Variants in ZFHX3 observed in about 807,000 individuals in gnomAD.
ZFHX3 encodes zinc finger homeobox protein 3.
ZFHX3 carries 42 observed loss-of-function variants against 279.1 expected under a neutral mutation model. The ratio of observed to expected loss-of-function variants is 0.15; its 90% CI spans 0.12 to 0.19. The LOEUF (loss-of-function observed/expected upper bound fraction) is 0.19, where lower values mean the gene tolerates loss of function less well. Among genes scored for constraint, ZFHX3 ranks in the 10% least tolerant of loss-of-function variants. The pLI, the probability that ZFHX3 is intolerant of heterozygous loss-of-function variation, is 1.00. For synonymous variants in ZFHX3, 2,293 were observed against 1,957.8 expected (o/e 1.17, Z -4.52); for missense variants, 4,981 against 4,754.0 (o/e 1.05, Z -1.40).
intron 2 of ZFHX3, among the ~76,000 whole-genome samples, chr16:73,660,865 C>G (rs1237426428): frequency 6.6e-6 from 1 of 152,154 alleles, no homozygotes. Context: ...TTCATGCAAA[C>G]CTTCCCACTT....
At chr16:73,820,389 C>T (rs999998514) in intron 1 of ZFHX3, among the ~76,000 whole-genome samples, 2 of 152,178 alleles carry the variant, frequency 1.3e-5, no homozygotes, top group African/African-American at 4.8e-5. Flanking sequence ...TAACTCTTAA[C>T]TGGCTGGTGG....
chr16:73,006,068 A>T (rs1205790539), intron 1 of ZFHX3: 1 of 152,240 alleles, frequency 6.6e-6, no homozygotes, highest in African/African-American at 2.4e-5. Flanking sequence ...ACATCTGGAA[A>T]TAATTTTCTT....
intron 5 of ZFHX3, among the ~76,000 whole-genome samples, chr16:73,247,833 A>C (rs2013345202): frequency 6.6e-6 from 1 of 152,128 alleles, no homozygotes; most frequent in Non-Finnish European, 1.5e-5. Context: ...TATACTATGT[A>C]TATAATGTGT....
chr16:73,771,758 ATT>A (rs55993701), intron 1 of ZFHX3, among the ~76,000 whole-genome samples: 1,577 of 143,998 alleles, frequency 0.011, 23 homozygotes, highest in African/African-American at 0.036. Flanking sequence ...GCCTTAAAGA[ATT>A]TTTTTTTTTT....
At chr16:73,727,311 T>G (rs1430887461) in intron 1 of ZFHX3, among the ~76,000 whole-genome samples, 1 of 152,188 alleles carries the variant, frequency 6.6e-6, no homozygotes. Context: ...TCAGCTACCA[T>G]TGAGAAGAAA....
intron 1 of ZFHX3, among the ~76,000 whole-genome samples, chr16:73,046,853 T>C (rs1450958778): frequency 2.1e-5 from 3 of 141,460 alleles, no homozygotes; most frequent in Non-Finnish European, 3.0e-5. Flanking sequence ...GGGTTTTCTG[T>C]CAGTGGCTTT....
At chr16:72,997,479 C>G (rs908954112) in intron 1 of ZFHX3, among the ~76,000 whole-genome samples, 1 of 152,304 alleles carries the variant, frequency 6.6e-6, no homozygotes, top group East Asian at 1.9e-4. Flanking sequence ...AAGGAGGCAG[C>G]GACTCAGTCT....
At chr16:73,502,192 C>T (rs1317905645) in intron 2 of ZFHX3, among the ~76,000 whole-genome samples, 2 of 152,196 alleles carry the variant, frequency 1.3e-5, no homozygotes, top group African/African-American at 4.8e-5. Flanking sequence ...GGCTAAGGAA[C>T]ACAGCTTTGG....
At chr16:73,695,580 A>G (rs1206723745) in intron 1 of ZFHX3, among the ~76,000 whole-genome samples, 1 of 152,206 alleles carries the variant, frequency 6.6e-6, no homozygotes, top group African/African-American at 2.4e-5. Flanking sequence ...AGAAAAGGAA[A>G]AGAACAGGGA....
At position 72,797,249 on chromosome 16, in the gene ZFHX3, G is replaced by C. The variant is rs147266839; in HGVS notation, c.5433C>G (p.Pro1811=). The change falls in exon 9 of 10, where the codon CCC becomes CCG. Residue 1811 remains proline (P), a synonymous_variant. Coordinates refer to ENST00000268489, the MANE Select transcript of ZFHX3 (RefSeq NM_006885.4). ...CACTGGTCACTGGCAAGCTCACCTC[G>C]GGGTTAAGCTGGAACTCAGCACTGG... is the stretch of plus-strand genomic sequence containing the variant. ...YIPSAEFQLN[P]EVSLPVTSGA... is the part of the protein sequence containing the mutation. The C allele has an allele frequency of 6.2e-7, 1 of 1,613,628 alleles. No homozygotes were observed. Among genetic ancestry groups the C allele is most frequent in the East Asian group, 2.2e-5 (1 of 44,854 alleles).
intron 3 of ZFHX3, among the ~76,000 whole-genome samples, chr16:73,371,883 C>T (rs1367245066): frequency 6.6e-6 from 1 of 152,236 alleles, no homozygotes; most frequent in African/African-American, 2.4e-5. Flanking sequence ...GGCCCAGCCC[C>T]TCTGGGCAAG....
chr16:73,465,375 T>G (rs2018548150), intron 2 of ZFHX3, among the ~76,000 whole-genome samples: 1 of 152,196 alleles, frequency 6.6e-6, no homozygotes, highest in African/African-American at 2.4e-5. Flanking sequence ...GAATCTCTTC[T>G]GTATCACTTC....
chr16:73,224,883 A>G (rs556752684), intron 5 of ZFHX3, among the ~76,000 whole-genome samples: 49 of 152,236 alleles, frequency 3.2e-4, no homozygotes, highest in African/African-American at 1.1e-3. Context: ...GCTGAATTGC[A>G]GAATGCTCTG....
intron 1 of ZFHX3, among the ~76,000 whole-genome samples, chr16:73,725,295 T>G (rs970863820): frequency 1.3e-5 from 2 of 152,182 alleles, no homozygotes; most frequent in African/African-American, 4.8e-5. Flanking sequence ...GCACCATGCT[T>G]TGCCAAGTCC....
At position 73,346,107 on chromosome 16, in the gene ZFHX3, C is replaced by T. The variant is rs144996017; in HGVS notation, c.-1290-27771G>A. Among the ~76,000 whole-genome samples, 38 of 152,286 alleles carry T rather than the reference C, an allele frequency of 2.5e-4. 1 individual carries two copies. The East Asian group carries it at 6.0e-3, about 24-fold the overall frequency. On this transcript the variant is annotated intron_variant, in intron 3 of 17. Coordinates refer to the ZFHX3 transcript ENST00000641206. ...AGCGACCCTGCACCTTTTGATCAGC[C>T]CCTCTCCTGGCTGTGAGTGTTGAGA...
At chr16:73,665,808 CTTTTTT>C (rs527815602) in intron 2 of ZFHX3, among the ~76,000 whole-genome samples, 8 of 90,506 alleles carry the variant, frequency 8.8e-5, no homozygotes, top group Admixed American at 2.6e-4. Context: ...TCTTCAATAA[CTTTTTT>C]TTTTTTTTTT....
At chr16:73,778,754 G>C (rs1242535042) in intron 1 of ZFHX3, among the ~76,000 whole-genome samples, 1 of 152,128 alleles carries the variant, frequency 6.6e-6, no homozygotes, top group Non-Finnish European at 1.5e-5. Context: ...AAATACAATG[G>C]TAAGACGGCA....
At chr16:73,806,296 A>T (rs535144332) in intron 1 of ZFHX3, among the ~76,000 whole-genome samples, 1 of 152,358 alleles carries the variant, frequency 6.6e-6, no homozygotes, top group African/African-American at 2.4e-5. Flanking sequence ...TTCCAGGCAG[A>T]GGCAAGAGCA....
intron 5 of ZFHX3, among the ~76,000 whole-genome samples, chr16:73,204,853 T>G (rs1456353236): frequency 6.6e-6 from 1 of 152,156 alleles, no homozygotes; most frequent in Admixed American, 6.5e-5. Context: ...AGGTTGAAAG[T>G]GCTACAAAAG....
Sources: allele counts gnomAD v4.1 joint callset (sites outside exome capture counted in the v4.1 genomes callset), GRCh38; gene constraint gnomAD v4.1.1; transcripts MANE v1.5; gene names NCBI Gene and HGNC (gene_info 2026-07-23, HGNC 2026-07-21).